Variants in OR56A3 observed in about 807,000 individuals in gnomAD.
The protein encoded by OR56A3 is olfactory receptor 56A3.
A neutral mutation model predicts 17.5 loss-of-function variants in OR56A3; 23 were observed. That is an observed-to-expected ratio of 1.32 (90% CI 0.95 to 1.87). The LOEUF (loss-of-function observed/expected upper bound fraction) is 1.87. Ranked by LOEUF, OR56A3 falls within the 40% of genes most tolerant of loss-of-function variation. OR56A3 has a pLI of 0.00. For synonymous variants in OR56A3, 175 were observed against 150.6 expected (o/e 1.16, Z -1.19); for missense variants, 366 against 380.1 (o/e 0.96, Z 0.31).
the OR56A3 span, chr11:5,985,935 T>C: frequency 6.3e-7 from 1 of 1,597,060 alleles, no homozygotes; most frequent in Non-Finnish European, 8.5e-7. Flanking sequence ...TGAGAATATG[T>C]TCAGATCAAT....
At chr11:6,002,695 A>G in the OR56A3 span, 165 of 1,614,136 alleles carry the variant, frequency 1.0e-4, no homozygotes, top group Non-Finnish European at 1.3e-4. Context: ...TGGAGGAAGC[A>G]GGCTGGGAAG....
chr11:5,948,191 T>G lies in OR56A3; in HGVS notation c.845T>G (p.Val282Gly), dbSNP rs772023733. The G allele has an allele frequency of 3.7e-6, 6 of 1,614,126 alleles. No individual in the cohort carries two copies. In the Admixed American group the frequency reaches 1.0e-4, roughly 27 times the overall value. The change falls in exon 3 of 3, where the codon GTT becomes GGT. Residue 282 changes from valine to glycine, a missense_variant. Physicochemically the swap from Val to Gly is moderately radical, Grantham distance 109 (BLOSUM62 -3). Transcript: ENST00000641160. ...VSPDVPVLLN[V>G]LHHVIPAALN... ...CCTGATGTGCCAGTCTTGCTCAATG[T>G]TCTCCACCATGTCATTCCTGCAGCC...
At chr11:6,011,269 A>G in the OR56A3 span, among the ~76,000 whole-genome samples, 1 of 150,712 alleles carries the variant, frequency 6.6e-6, no homozygotes, top group African/African-American at 2.4e-5. Flanking sequence ...TATGCTGCAT[A>G]GTCTGCCATG....
the OR56A3 span, chr11:5,986,132 G>A: frequency 6.2e-7 from 1 of 1,613,958 alleles, no homozygotes. Context: ...TAGAAGACCA[G>A]GATGACACAA....
the OR56A3 span, among the ~76,000 whole-genome samples, chr11:6,005,214 G>A: frequency 6.6e-6 from 1 of 152,134 alleles, no homozygotes; most frequent in African/African-American, 2.4e-5. Context: ...GTCATATTCT[G>A]AAGTTCTGTT....
At chr11:5,974,655 C>T in the OR56A3 span, among the ~76,000 whole-genome samples, 1 of 151,846 alleles carries the variant, frequency 6.6e-6, no homozygotes, top group East Asian at 1.9e-4. Flanking sequence ...TGTAGAACGA[C>T]AGGCAGGTGG....
the OR56A3 span, among the ~76,000 whole-genome samples, chr11:5,959,176 A>G: frequency 1.3e-5 from 2 of 152,120 alleles, no homozygotes; most frequent in Non-Finnish European, 2.9e-5. Context: ...TGGCAGTTCT[A>G]TTTAATGTTT....
rs572576810 is a variant in OR56A3, at chr11:5,947,566, G to C, written c.220G>C (p.Asp74His). ...YYLLSLLSLL[D>H]IVLCLTVIPK... is the part of the protein sequence containing the mutation. ...CCTGCTCAGCCTCCTCTCCCTGCTG[G>C]ACATCGTGCTCTGCCTCACTGTCAT... The change falls in exon 3 of 3, where the codon GAC (aspartate) becomes CAC (histidine). Residue 74 changes from aspartate to histidine, a missense_variant. Coordinates refer to ENST00000641160, the MANE Select transcript of OR56A3 (RefSeq NM_001003443.3). 69 of 1,614,118 alleles carry C rather than the reference G, an allele frequency of 4.3e-5. 1 individual carries two copies. The South Asian group carries it at 7.4e-4, about 17-fold the overall frequency.
At chr11:5,963,263 A>T in the OR56A3 span, among the ~76,000 whole-genome samples, 1 of 152,058 alleles carries the variant, frequency 6.6e-6, no homozygotes, top group Non-Finnish European at 1.5e-5. Flanking sequence ...CTTGAGGTGC[A>T]ACATTAGGTT....
At chr11:5,954,964 A>G (rs1361520300), downstream of OR56A3, among the ~76,000 whole-genome samples, 1 of 152,238 alleles carries the variant, frequency 6.6e-6, no homozygotes, top group Non-Finnish European at 1.5e-5. Context: ...CCAAAGATAC[A>G]AAGGGGTACC....
chr11:5,962,553 A>T, the OR56A3 span, among the ~76,000 whole-genome samples: 1 of 131,804 alleles, frequency 7.6e-6, no homozygotes. Flanking sequence ...TTTTTTTGAG[A>T]CGGAGTCTCT....
chr11:5,948,666 T>G lies in OR56A3; in HGVS notation c.*372T>G, dbSNP rs1163068028. On this transcript the variant is annotated 3_prime_UTR_variant, in exon 3 of 3. Transcript: ENST00000641160. Reference sequence around the variant, plus strand: ...TTTGTTGTGTCTGTTATGTGTAATGTCCTTTTATTCTTATTTTCAGAAAAG... The same window carrying G: ...TTTGTTGTGTCTGTTATGTGTAATGGCCTTTTATTCTTATTTTCAGAAAAG... The G allele has an allele frequency of 5.5e-6, 1 of 183,074 alleles. No homozygotes were observed. The highest frequency in any genetic ancestry group is 1.2e-5 in the Non-Finnish European group (1 of 86,740). The allele number at this position is 183,074 out of a possible 1,614,324, so 11.3% of individuals were successfully genotyped here. A position where few individuals can be genotyped will look rare whatever the true frequency, so the allele number is the denominator to read the frequency against.
the OR56A3 span, among the ~76,000 whole-genome samples, chr11:5,979,822 T>G: frequency 1.3e-5 from 2 of 152,252 alleles, no homozygotes; most frequent in East Asian, 3.9e-4. Context: ...TGTGAGCATT[T>G]AGCACTATAT....
the OR56A3 span, chr11:6,000,504 C>A: frequency 2.0e-5 from 3 of 152,094 alleles, no homozygotes; most frequent in Admixed American, 6.6e-5. Flanking sequence ...AGGAGATATA[C>A]CTAATGTTAA....
At chr11:5,973,411 G>A in the OR56A3 span, among the ~76,000 whole-genome samples, 2 of 152,122 alleles carry the variant, frequency 1.3e-5, no homozygotes, top group African/African-American at 4.8e-5. Context: ...TTAATATGAT[G>A]TCTAGTACAG....
At chr11:5,986,020 G>A in the OR56A3 span, 277 of 1,613,160 alleles carry the variant, frequency 1.7e-4, 1 homozygote, top group South Asian at 3.0e-4. Context: ...AGGATTGAGC[G>A]CAGGTGGCAT....
chr11:6,013,634 G>T, the OR56A3 span, among the ~76,000 whole-genome samples: 1 of 152,174 alleles, frequency 6.6e-6, no homozygotes, highest in Admixed American at 6.5e-5. Flanking sequence ...TCTGTCTTCT[G>T]CTTCTGGCAC....
chr11:5,993,110 G>T, the OR56A3 span, among the ~76,000 whole-genome samples: 7 of 152,146 alleles, frequency 4.6e-5, no homozygotes, highest in Non-Finnish European at 8.8e-5. Context: ...ATACAAACCT[G>T]TGAAGCAGGA....
At position 5,948,012 on chromosome 11, in the gene OR56A3, C is replaced by T. The variant is rs766448729; in HGVS notation, c.666C>T (p.Tyr222=). 9.9e-6 allele frequency: 16 copies of T among 1,614,094 alleles called. No individual in the cohort carries two copies. In the East Asian group the frequency reaches 1.1e-4, roughly 11 times the overall value. Residue 222 remains tyrosine, a synonymous_variant, in exon 3 of 3, where the codon TAC becomes TAT. Transcript: ENST00000641160. ...GSDLILIFLS[Y]TFILRAVLRL... ...ACCTCATCCTTATCTTCCTCTCCTACACCTTCATTCTGCGAGCTGTGCTGA... is the reference window on the plus strand; with the variant it reads ...ACCTCATCCTTATCTTCCTCTCCTATACCTTCATTCTGCGAGCTGTGCTGA...
Sources: gnomAD v4.1 joint callset for allele counts (sites outside exome capture counted in the v4.1 genomes callset) on GRCh38, gnomAD v4.1.1 for gene constraint, MANE v1.5 for transcripts, NCBI Gene and HGNC (gene_info 2026-07-23, HGNC 2026-07-21) for gene names.